Variants in PTPRD observed in about 807,000 individuals in gnomAD.
PTPRD encodes protein tyrosine phosphatase receptor type D.
A neutral mutation model predicts 214.5 loss-of-function variants in PTPRD; 34 were observed. The ratio of observed to expected loss-of-function variants is 0.16; its 90% CI spans 0.12 to 0.21. The LOEUF is 0.21. Ranked by LOEUF, PTPRD falls within the 10% of genes least tolerant of loss-of-function variation. The probability of loss-of-function intolerance (pLI) is 1.00; values close to 1 mark genes in which losing one functional copy is unlikely to be tolerated. For synonymous variants in PTPRD, 1,128 were observed against 845.7 expected (o/e 1.33, Z -5.79); for missense variants, 2,545 against 2,398.7 (o/e 1.06, Z -1.27).
intron 4 of PTPRD, among the ~76,000 whole-genome samples, chr9:9,954,057 G>A (rs2093682686): frequency 6.6e-6 from 1 of 152,020 alleles, no homozygotes; most frequent in South Asian, 2.1e-4. Context: ...AGCACTTTGG[G>A]AGGCGGAGGC....
chr9:10,116,167 G>A (rs2197047), intron 3 of PTPRD, among the ~76,000 whole-genome samples: 17,606 of 151,990 alleles, frequency 0.12, 1,127 homozygotes, highest in South Asian at 0.27. Context: ...TAAGACCATA[G>A]GAGGTTTGCA....
At chr9:9,605,659 T>C (rs1297097798) in intron 7 of PTPRD, among the ~76,000 whole-genome samples, 2 of 152,066 alleles carry the variant, frequency 1.3e-5, no homozygotes, top group Non-Finnish European at 2.9e-5. Flanking sequence ...GAGGATGAAC[T>C]AGAAGTTGAG....
intron 3 of PTPRD, among the ~76,000 whole-genome samples, chr9:10,294,476 AAAAGCCTTATTTTT>A (rs536882649): frequency 0.011 from 1,664 of 152,096 alleles, 32 homozygotes; most frequent in African/African-American, 0.038. Flanking sequence ...AAGTCAACTC[AAAAGCCTTATTTTT>A]TTCCCAGAAA....
chr9:10,241,639 C>A (rs1354834303), intron 3 of PTPRD, among the ~76,000 whole-genome samples: 1 of 151,924 alleles, frequency 6.6e-6, no homozygotes, highest in South Asian at 2.1e-4. Context: ...TTAAGTGCAA[C>A]TACTTTACAG....
chr9:8,555,108 C>T (rs1439949061), intron 14 of PTPRD, among the ~76,000 whole-genome samples: 3 of 152,130 alleles, frequency 2.0e-5, no homozygotes, highest in Non-Finnish European at 4.4e-5. Context: ...AAGTCAGATG[C>T]CTCCTCAAAT....
rs151338352 is a variant in PTPRD, at chr9:8,597,033, G to A, written c.352+36284C>T. Among the ~76,000 whole-genome samples the A allele has an allele frequency of 4.7e-3, 711 of 152,112 alleles. 8 individuals carry two copies. Among genetic ancestry groups the A allele is most frequent in the African/African-American group, 0.016 (682 of 41,518 alleles). On this transcript the variant is annotated intron_variant, in intron 14 of 45. Coordinates refer to ENST00000381196, the MANE Select transcript of PTPRD (RefSeq NM_002839.4). ...TTCTATTAATTACACTAAAAAATAT[G>A]GTAGATTTGCTCAAATAAATCAATT...
intron 4 of PTPRD, among the ~76,000 whole-genome samples, chr9:9,981,767 G>A (rs535335959): frequency 4.6e-5 from 7 of 151,956 alleles, no homozygotes; most frequent in African/African-American, 7.3e-5. Context: ...TTTTAAAGGC[G>A]CTTTTTGACT....
chr9:9,422,999 A>G (rs1285502200), intron 8 of PTPRD, among the ~76,000 whole-genome samples: 1 of 152,152 alleles, frequency 6.6e-6, no homozygotes, highest in Non-Finnish European at 1.5e-5. Flanking sequence ...CTTGGCGTAT[A>G]ACACAAAGTT....
chr9:8,821,409 C>T lies in PTPRD; in HGVS notation c.-103-87463G>A, dbSNP rs556754299. Among the ~76,000 whole-genome samples the T allele has an allele frequency of 1.2e-4, 18 of 152,300 alleles. No homozygotes were observed. In the South Asian group the frequency reaches 3.7e-3, roughly 32 times the overall value. ...TAGTCTACCCCACGCATCACTCACT[C>T]CTTCTACAACCCCTAGGAATTCAAG... On this transcript the variant is annotated intron_variant, in intron 11 of 45. Transcript: ENST00000381196.
At chr9:8,818,208 AAAC>A (rs74868380) in intron 11 of PTPRD, among the ~76,000 whole-genome samples, 20,807 of 152,226 alleles carry the variant, frequency 0.14, 1,625 homozygotes, top group East Asian at 0.25. Flanking sequence ...AATTGACTTT[AAAC>A]ATAAAATTGT....
At chr9:8,950,821 C>G (rs966678581) in intron 11 of PTPRD, among the ~76,000 whole-genome samples, 1 of 151,798 alleles carries the variant, frequency 6.6e-6, no homozygotes, top group East Asian at 1.9e-4. Flanking sequence ...GGTTAAGCTA[C>G]TACATGTCAG....
chr9:8,662,115 A>C (rs1242446031), intron 12 of PTPRD, among the ~76,000 whole-genome samples: 2 of 152,128 alleles, frequency 1.3e-5, no homozygotes, highest in East Asian at 3.9e-4. Flanking sequence ...AGCTTTTCAA[A>C]ACCTACAGAA....
chr9:10,104,695 G>C (rs2098606208), intron 3 of PTPRD, among the ~76,000 whole-genome samples: 1 of 151,786 alleles, frequency 6.6e-6, no homozygotes, highest in Non-Finnish European at 1.5e-5. Context: ...AGCTTAATTT[G>C]TGGATTTATC....
intron 9 of PTPRD, among the ~76,000 whole-genome samples, chr9:9,276,355 G>A (rs891669675): frequency 5.3e-5 from 8 of 151,266 alleles, no homozygotes; most frequent in African/African-American, 1.9e-4. Context: ...TGTTACACTT[G>A]GCAACAACTG....
chr9:8,527,871 G>T (rs752688866), intron 15 of PTPRD, among the ~76,000 whole-genome samples: 1 of 152,064 alleles, frequency 6.6e-6, no homozygotes, highest in Non-Finnish European at 1.5e-5. Context: ...GTCACTGGAG[G>T]GTTCAAAAAC....
At chr9:9,457,116 G>T (rs1048330551) in intron 8 of PTPRD, among the ~76,000 whole-genome samples, 2 of 151,912 alleles carry the variant, frequency 1.3e-5, no homozygotes, top group African/African-American at 4.8e-5. Flanking sequence ...GTGAGTAAGT[G>T]AAGTACTAGG....
chr9:8,963,395 A>G (rs1369332388), intron 11 of PTPRD, among the ~76,000 whole-genome samples: 1 of 152,270 alleles, frequency 6.6e-6, no homozygotes, highest in South Asian at 2.1e-4. Flanking sequence ...TACTCATGGA[A>G]TTACATTTAT....
At chr9:9,841,986 G>A (rs2058437831) in intron 5 of PTPRD, among the ~76,000 whole-genome samples, 1 of 151,860 alleles carries the variant, frequency 6.6e-6, no homozygotes, top group African/African-American at 2.4e-5. Context: ...CAAGGAAGTA[G>A]GATAAATATT....
intron 11 of PTPRD, among the ~76,000 whole-genome samples, chr9:8,971,680 A>G (rs1038998885): frequency 2.0e-4 from 31 of 151,710 alleles, no homozygotes; most frequent in African/African-American, 5.8e-4. Context: ...ACGAGATGAC[A>G]GACAATGAAG....
Sources: allele counts gnomAD v4.1 joint callset (sites outside exome capture counted in the v4.1 genomes callset), GRCh38; gene constraint gnomAD v4.1.1; transcripts MANE v1.5; gene names NCBI Gene and HGNC (gene_info 2026-07-23, HGNC 2026-07-21).